EPM2A: variants seen among roughly 807,000 people sequenced by gnomAD.
EPM2A encodes the protein EPM2A glucan phosphatase, laforin.
EPM2A carries 21 observed loss-of-function variants against 26.5 expected under a neutral mutation model. The observed-to-expected ratio is 0.79, with a 90% confidence interval of 0.56 to 1.14. The LOEUF (loss-of-function observed/expected upper bound fraction) is 1.14, where lower values mean the gene tolerates loss of function less well. EPM2A is among the 50% of genes most tolerant of loss of function. The pLI is 0.00. For synonymous variants in EPM2A, 217 were observed against 177.6 expected (o/e 1.22, Z -1.76); for missense variants, 458 against 440.8 (o/e 1.04, Z -0.35).
chr6:145,695,215 T>A (rs919151608), intron 1 of EPM2A, among the ~76,000 whole-genome samples: 25 of 152,018 alleles, frequency 1.6e-4, no homozygotes, highest in African/African-American at 5.6e-4. Flanking sequence ...AAAGTTAAGT[T>A]GGTAACAGCT....
chr6:145,733,639 T>C (rs1418011644), intron 1 of EPM2A, among the ~76,000 whole-genome samples: 1 of 152,110 alleles, frequency 6.6e-6, no homozygotes, highest in Non-Finnish European at 1.5e-5. Flanking sequence ...AAAAAATAAT[T>C]CTACAATACT....
chr6:145,433,733 A>C (rs1241601948), intron 4 of EPM2A, among the ~76,000 whole-genome samples: 1 of 152,240 alleles, frequency 6.6e-6, no homozygotes, highest in Non-Finnish European at 1.5e-5. Context: ...AATACATTGA[A>C]TAAAACAATA....
chr6:145,616,014 T>C (rs566992420), intron 2 of EPM2A, among the ~76,000 whole-genome samples: 1 of 152,360 alleles, frequency 6.6e-6, no homozygotes, highest in Non-Finnish European at 1.5e-5. Flanking sequence ...TTAGGCAAGC[T>C]GCAGAAATTT....
chr6:145,445,941 C>A (rs1361779989), intron 4 of EPM2A, among the ~76,000 whole-genome samples: 1 of 152,114 alleles, frequency 6.6e-6, no homozygotes, highest in Non-Finnish European at 1.5e-5. Flanking sequence ...TGGTCTTACA[C>A]CTTCTGCCTG....
At chr6:145,529,718 G>C (rs1040483094) in intron 2 of EPM2A, among the ~76,000 whole-genome samples, 8 of 152,116 alleles carry the variant, frequency 5.3e-5, no homozygotes, top group African/African-American at 1.7e-4. Context: ...GCATGCAAAA[G>C]GTTGGCAACA....
At chr6:145,411,156 T>C (rs1397713156) in intron 4 of EPM2A, among the ~76,000 whole-genome samples, 5 of 152,214 alleles carry the variant, frequency 3.3e-5, no homozygotes, top group Non-Finnish European at 7.3e-5. Context: ...ATACTATCTA[T>C]GCATTGTCAA....
intron 2 of EPM2A, among the ~76,000 whole-genome samples, chr6:145,521,659 G>C (rs557040971): frequency 1.1e-4 from 17 of 152,324 alleles, no homozygotes; most frequent in African/African-American, 4.1e-4. Flanking sequence ...ATAGTAAAAA[G>C]ACAGTAGATG....
At chr6:145,490,591 T>C (rs975307628) in intron 4 of EPM2A, 4 of 684,202 alleles carry the variant, frequency 5.8e-6, no homozygotes, top group African/African-American at 1.8e-5. Context: ...ATGGTAACAA[T>C]TTAGGTGCTG....
rs376500240 is a variant in EPM2A at position 145,445,869 on chromosome 6, C to T, written c.555+56653G>A. On this transcript the variant is annotated intron_variant, in intron 4 of 4. Transcript: ENST00000638717. ...CTTCTTCCCTTCAATCTGGTTTATG[C>T]TTAGTATAGCAAAAAAGCACATGTA... is the stretch of plus-strand genomic sequence containing the variant. Among the ~76,000 whole-genome samples, 22 of 152,254 alleles carry T rather than the reference C, an allele frequency of 1.4e-4. No homozygotes were observed. In the South Asian group the frequency reaches 4.4e-3, roughly 30 times the overall value.
At chr6:145,633,141 T>G (rs1338847818) in intron 3 of EPM2A, among the ~76,000 whole-genome samples, 1 of 152,198 alleles carries the variant, frequency 6.6e-6, no homozygotes, top group Admixed American at 6.5e-5. Context: ...CAGCAGAGCC[T>G]TCAGGTAATC....
intron 4 of EPM2A, among the ~76,000 whole-genome samples, chr6:145,473,305 A>G (rs1046140521): frequency 1.3e-5 from 2 of 151,492 alleles, no homozygotes; most frequent in African/African-American, 4.9e-5. Flanking sequence ...GAATCAATCA[A>G]GCAGAAGAAA....
At chr6:145,722,734 T>A (rs1169052273) in intron 1 of EPM2A, 1 of 451,792 alleles carries the variant, frequency 2.2e-6, no homozygotes, top group South Asian at 1.6e-5. Flanking sequence ...ACAGTGGTAA[T>A]AAAGTTAAAA....
In EPM2A at chr6:145,627,390, G is replaced by A. The variant is rs765361907; in HGVS notation, c.*26C>T. 6.2e-7 allele frequency: 1 copy of A among 1,613,556 alleles called. No homozygotes were observed. The highest frequency in any genetic ancestry group is 1.3e-5 in the African/African-American group (1 of 74,960). ...CATCCCAGGCTCCTTAGGGAAATCA[G>A]GAGGGGGCAGAAGCAGGCTGACCAG... On this transcript the variant is annotated 3_prime_UTR_variant, in exon 4 of 4. Transcript: ENST00000367519.
At chr6:145,575,791 G>T (rs1781022896) in intron 2 of EPM2A, among the ~76,000 whole-genome samples, 1 of 152,112 alleles carries the variant, frequency 6.6e-6, no homozygotes, top group Non-Finnish European at 1.5e-5. Context: ...GCATTTTTGG[G>T]TCTAATCATA....
chr6:145,722,451 C>T (rs1583127194), intron 1 of EPM2A, among the ~76,000 whole-genome samples: 1 of 152,260 alleles, frequency 6.6e-6, no homozygotes, highest in East Asian at 1.9e-4. Context: ...CCAACACAAA[C>T]ACAAAGAACT....
In EPM2A at chr6:145,482,048, A is replaced by G. The variant is rs186083306; in HGVS notation, c.555+20474T>C. Among the ~76,000 whole-genome samples the G allele has an allele frequency of 4.9e-3, 751 of 152,280 alleles. 12 individuals are homozygous for G. The highest frequency in any genetic ancestry group is 0.017 in the African/African-American group (700 of 41,564). On this transcript the variant is annotated intron_variant, in intron 4 of 4. Transcript: ENST00000638717. ...AAGGCATCATAAGAAACTGACAAAC[A>G]TGTTTCTTATTCTCTTTCTCTCAGG...
intron 4 of EPM2A, among the ~76,000 whole-genome samples, chr6:145,396,732 T>A (rs1343936996): frequency 6.6e-6 from 1 of 152,220 alleles, no homozygotes; most frequent in African/African-American, 2.4e-5. Context: ...GTTGATTTCA[T>A]TCTGTTATTG....
chr6:145,664,747 G>A (rs1168064784), intron 2 of EPM2A, among the ~76,000 whole-genome samples: 3 of 151,830 alleles, frequency 2.0e-5, no homozygotes, highest in African/African-American at 4.8e-5. Flanking sequence ...TTCCAAAATT[G>A]ACCACATACT....
intron 2 of EPM2A, among the ~76,000 whole-genome samples, chr6:145,508,097 A>G (rs1438794769): frequency 1.3e-5 from 2 of 152,212 alleles, no homozygotes; most frequent in South Asian, 4.1e-4. Context: ...CACATAAGGC[A>G]GCACCAACAA....
Sources: allele counts gnomAD v4.1 joint callset (sites outside exome capture counted in the v4.1 genomes callset), GRCh38; gene constraint gnomAD v4.1.1; transcripts MANE v1.5; gene names NCBI Gene and HGNC (gene_info 2026-07-23, HGNC 2026-07-21).